The following PTPRN2 variants were observed in gnomAD, a reference collection of about 807,000 sequenced individuals.
The protein encoded by PTPRN2 is receptor-type tyrosine-protein phosphatase N2.
PTPRN2 carries 74 observed loss-of-function variants against 118.8 expected under a neutral mutation model. The observed-to-expected ratio is 0.62, with a 90% CI of 0.52 to 0.76. The LOEUF is 0.76. PTPRN2 is among the 30% of genes least tolerant of loss of function. The pLI is 0.00. For synonymous variants in PTPRN2, 641 were observed against 608.0 expected, an observed-to-expected ratio of 1.05 and a Z score of -0.80; for missense variants, 1,481 against 1,394.4, an observed-to-expected ratio of 1.06 and a Z score of -0.99.
rs142505533 is a variant in PTPRN2, at chr7:158,535,260, C to G, written c.113-45475G>C. ...CTCAGATACTCTTAACTACTCAGTA[C>G]CAAGGGAAGTTGTGGGCTTTGAGCC... On this transcript the variant is annotated intron_variant, in intron 1 of 22. Coordinates refer to ENST00000389418, the MANE Select transcript of PTPRN2 (RefSeq NM_002847.5). Among the ~76,000 whole-genome samples the G allele has an allele frequency of 2.7e-3, 416 of 152,334 alleles. 3 individuals carry two copies. Among genetic ancestry groups the G allele is most frequent in the African/African-American group, 9.5e-3 (393 of 41,566 alleles).
intron 3 of PTPRN2, among the ~76,000 whole-genome samples, chr7:158,208,555 A>T (rs1321533197): frequency 6.6e-6 from 1 of 152,234 alleles, no homozygotes; most frequent in Non-Finnish European, 1.5e-5. Context: ...ATATCCAACA[A>T]AAATGCATTT....
At chr7:158,058,396 C>T (rs376677378) in intron 11 of PTPRN2, among the ~76,000 whole-genome samples, 1,796 of 124,662 alleles carry the variant, frequency 0.014, 14 homozygotes, top group Non-Finnish European at 0.022. Flanking sequence ...CATCTGCCCA[C>T]GGTGAGACAT....
In PTPRN2 at chr7:157,878,693, C is replaced by T. The variant is rs575528773; in HGVS notation, c.1788+19980G>A. Reference sequence around the variant, plus strand: ...TGGGGCTGGAAGGGTCAGTGTGATACCATGCACCCACACTTACTCACTGAG... The same window carrying T: ...TGGGGCTGGAAGGGTCAGTGTGATATCATGCACCCACACTTACTCACTGAG... On this transcript the variant is annotated intron_variant, in intron 12 of 22. Coordinates refer to ENST00000389418, the MANE Select transcript of PTPRN2 (RefSeq NM_002847.5). Among the ~76,000 whole-genome samples, 235 of 135,290 alleles carry T rather than the reference C, an allele frequency of 1.7e-3. 1 individual carries two copies. Among genetic ancestry groups the T allele is most frequent in the Non-Finnish European group, 3.2e-3 (207 of 64,700 alleles). The allele number at this position is 135,290 out of a possible 152,430, so 88.8% of individuals were successfully genotyped here. A position where few individuals can be genotyped will look rare whatever the true frequency, so the allele number is the denominator to read the frequency against.
At position 158,133,846 on chromosome 7, in the gene PTPRN2, A is replaced by C; in HGVS notation, c.1387T>G (p.Ser463Ala). ...CCAAACGCAGCGGCCCCGGGCTCCG[A>C]ATGCGGCTGCTGCCCCAGCAGATCT... is the stretch of plus-strand genomic sequence containing the variant. ...SKDLLGQQPHSEPGAAAFGEL... is the reference protein window; with the variant it reads ...SKDLLGQQPHAEPGAAAFGEL... The change falls in exon 9 of 23, where the codon TCG becomes GCG. Residue 463 changes from serine to alanine, a missense_variant. Transcript: ENST00000389418. The C allele has an allele frequency of 6.2e-7, 1 of 1,613,900 alleles. No individual in the cohort carries two copies.
intron 11 of PTPRN2, among the ~76,000 whole-genome samples, chr7:158,056,741 C>T (rs1809823450): frequency 6.6e-6 from 1 of 152,170 alleles, no homozygotes; most frequent in African/African-American, 2.4e-5. Flanking sequence ...TCAGTGCCTA[C>T]AATCAACACA....
intron 12 of PTPRN2, among the ~76,000 whole-genome samples, chr7:157,788,422 G>A (rs1563109626): frequency 6.6e-6 from 1 of 151,194 alleles, no homozygotes; most frequent in Non-Finnish European, 1.5e-5. Flanking sequence ...AGCCTCCTTG[G>A]CAAGACACTG....
At chr7:157,821,667 T>C (rs1585555571) in intron 12 of PTPRN2, among the ~76,000 whole-genome samples, 1 of 152,096 alleles carries the variant, frequency 6.6e-6, no homozygotes, top group African/African-American at 2.4e-5. Flanking sequence ...CATGGTGGGA[T>C]AGAAGCCACT....
chr7:158,155,707 C>T (rs929019403), intron 6 of PTPRN2, among the ~76,000 whole-genome samples: 50 of 147,480 alleles, frequency 3.4e-4, no homozygotes, highest in Non-Finnish European at 5.9e-4. Context: ...CTATCATCAC[C>T]GTCAACACCA....
chr7:157,657,733 C>G (rs1795642683), intron 13 of PTPRN2, among the ~76,000 whole-genome samples: 1 of 132,674 alleles, frequency 7.5e-6, no homozygotes, highest in African/African-American at 2.9e-5. Flanking sequence ...CCACACACAT[C>G]ACACATATAC....
chr7:157,828,724 T>A (rs1301738869), intron 12 of PTPRN2, among the ~76,000 whole-genome samples: 1 of 152,246 alleles, frequency 6.6e-6, no homozygotes, highest in Non-Finnish European at 1.5e-5. Context: ...TATGGCAAAG[T>A]ACCAACTTCC....
chr7:157,864,856 G>C (rs944581086), intron 12 of PTPRN2: 3 of 152,244 alleles, frequency 2.0e-5, no homozygotes, highest in Non-Finnish European at 4.4e-5. Context: ...CCCCTCCTCT[G>C]TGCCTGAACC....
chr7:157,593,832 A>C (rs1394307639), intron 17 of PTPRN2, among the ~76,000 whole-genome samples: 1 of 152,226 alleles, frequency 6.6e-6, no homozygotes, highest in East Asian at 1.9e-4. Flanking sequence ...TGTGACAAGT[A>C]GGGAGCCCAA....
intron 2 of PTPRN2, among the ~76,000 whole-genome samples, chr7:158,372,579 TC>T (rs1195572990): frequency 7.7e-5 from 11 of 142,204 alleles, no homozygotes; most frequent in Admixed American, 2.8e-4. Flanking sequence ...CTGGAGCTGG[TC>T]CCCCCAACAC....
intron 12 of PTPRN2, among the ~76,000 whole-genome samples, chr7:157,821,990 A>T (rs1806870322): frequency 6.6e-6 from 1 of 151,674 alleles, no homozygotes; most frequent in Non-Finnish European, 1.5e-5. Context: ...ACTATCCATC[A>T]TCCATCCATC....
At chr7:157,660,972 T>C (rs1425662850) in intron 13 of PTPRN2, among the ~76,000 whole-genome samples, 1 of 152,260 alleles carries the variant, frequency 6.6e-6, no homozygotes, top group African/African-American at 2.4e-5. Context: ...CAGGCTGATC[T>C]TGAACTCCTG....
intron 11 of PTPRN2, among the ~76,000 whole-genome samples, chr7:157,900,565 A>G (rs933913452): frequency 6.6e-6 from 1 of 152,192 alleles, no homozygotes; most frequent in Non-Finnish European, 1.5e-5. Flanking sequence ...GCTGGCCCTG[A>G]GGTCCAGGTG....
chr7:157,645,259 A>C (rs1804988381), intron 14 of PTPRN2, among the ~76,000 whole-genome samples: 1 of 152,234 alleles, frequency 6.6e-6, no homozygotes. Flanking sequence ...CCCAAACATG[A>C]GAAAGTATGC....
chr7:158,100,388 A>T (rs192233309), intron 10 of PTPRN2, among the ~76,000 whole-genome samples: 58 of 152,270 alleles, frequency 3.8e-4, no homozygotes, highest in Middle Eastern at 3.4e-3. Flanking sequence ...TCTTTCTCGT[A>T]TAATGACTTC....
intron 1 of PTPRN2, among the ~76,000 whole-genome samples, chr7:158,531,254 C>T (rs889055658): frequency 4.6e-5 from 7 of 152,140 alleles, no homozygotes; most frequent in Non-Finnish European, 5.9e-5. Flanking sequence ...AGCCACGCCC[C>T]ATTACCCACG....
Sources: gnomAD v4.1 joint callset for allele counts (sites outside exome capture counted in the v4.1 genomes callset) on GRCh38, gnomAD v4.1.1 for gene constraint, MANE v1.5 for transcripts, NCBI Gene and HGNC (gene_info 2026-07-23, HGNC 2026-07-21) for gene names.